GRIK1: variants seen among roughly 807,000 people sequenced by gnomAD.
GRIK1 encodes glutamate ionotropic receptor kainate type subunit 1.
A neutral mutation model predicts 105.7 loss-of-function variants in GRIK1; 69 were observed. The observed-to-expected ratio is 0.65, with a 90% CI of 0.54 to 0.80. GRIK1 has a LOEUF of 0.80. GRIK1 is among the 30% of genes least tolerant of loss of function. GRIK1 has a pLI of 0.00. For synonymous variants in GRIK1, 438 were observed against 431.3 expected (o/e 1.02, Z -0.19); for missense variants, 1,109 against 1,167.3 (o/e 0.95, Z 0.73).
chr21:29,868,437 A>G (rs1233402823), intron 1 of GRIK1, among the ~76,000 whole-genome samples: 2 of 152,176 alleles, frequency 1.3e-5, no homozygotes, highest in African/African-American at 2.4e-5. Flanking sequence ...GCCTGTTACA[A>G]AGCGGTATAA....
chr21:29,773,896 C>A (rs764296851), intron 1 of GRIK1, among the ~76,000 whole-genome samples: 10 of 152,174 alleles, frequency 6.6e-5, no homozygotes, highest in African/African-American at 2.2e-4. Context: ...AAACAACACA[C>A]CTTCTCAAGT....
chr21:29,892,742 A>G (rs2146226257), intron 1 of GRIK1, among the ~76,000 whole-genome samples: 1 of 152,344 alleles, frequency 6.6e-6, no homozygotes, highest in Admixed American at 6.5e-5. Flanking sequence ...TTACGTGATG[A>G]CAGAAGCTCT....
At chr21:29,558,376 T>TCACACACACA (rs35594883) in intron 15 of GRIK1, among the ~76,000 whole-genome samples, 110 of 147,018 alleles carry the variant, frequency 7.5e-4, no homozygotes, top group African/African-American at 2.5e-3. Context: ...TATATATATT[T>TCACACACACA]CACACACACA....
chr21:29,542,650 G>A (rs1225284707), intron 16 of GRIK1, among the ~76,000 whole-genome samples: 3 of 152,220 alleles, frequency 2.0e-5, no homozygotes, highest in African/African-American at 7.2e-5. Context: ...ATGTCAGATT[G>A]ATTTCTCATT....
chr21:29,906,356 T>C (rs2070640286), intron 1 of GRIK1, among the ~76,000 whole-genome samples: 1 of 152,194 alleles, frequency 6.6e-6, no homozygotes, highest in African/African-American at 2.4e-5. Context: ...AACCTCTTTA[T>C]GAATTATTTT....
At chr21:29,785,561 C>CAAAAAAA (rs950219193) in intron 1 of GRIK1, among the ~76,000 whole-genome samples, 1 of 58,014 alleles carries the variant, frequency 1.7e-5, no homozygotes, top group African/African-American at 6.6e-5. Flanking sequence ...GAGACTGTCT[C>CAAAAAAA]AAAAAAAAAA....
chr21:29,663,012 C>T (rs750726833), intron 4 of GRIK1, among the ~76,000 whole-genome samples: 25 of 152,138 alleles, frequency 1.6e-4, no homozygotes, highest in Non-Finnish European at 2.9e-4. Flanking sequence ...ATATTCACAG[C>T]GACTGCTTGC....
At chr21:29,746,677 G>T (rs2065057082) in intron 1 of GRIK1, among the ~76,000 whole-genome samples, 1 of 152,240 alleles carries the variant, frequency 6.6e-6, no homozygotes, top group African/African-American at 2.4e-5. Context: ...CTGATCTGAA[G>T]TAGGGTGTTA....
Position 29,681,165 on chromosome 21 carries a change from T to C in GRIK1, c.545-8001A>G, listed in dbSNP as rs542877932. Among the ~76,000 whole-genome samples the C allele has an allele frequency of 3.3e-5, 5 of 152,222 alleles. No individual in the cohort carries two copies. The East Asian group carries it at 9.7e-4, about 29-fold the overall frequency. Reference sequence around the variant, plus strand: ...AAGTAAAAGAAAAAAGTAAACATAGTACATATAGGGTTCAGTACTATCCGT... The same window carrying C: ...AAGTAAAAGAAAAAAGTAAACATAGCACATATAGGGTTCAGTACTATCCGT... On this transcript the variant is annotated intron_variant, in intron 3 of 17. Transcript: ENST00000327783.
intron 1 of GRIK1, among the ~76,000 whole-genome samples, chr21:29,878,402 T>C (rs2069271879): frequency 6.6e-6 from 1 of 152,072 alleles, no homozygotes. Context: ...GGTGCTATGA[T>C]GGAAGTAAGC....
In GRIK1 at chr21:29,537,849, C is replaced by T. The variant is rs2089905889; in HGVS notation, c.2643G>A (p.Arg881=). The T allele has an allele frequency of 6.6e-7, 1 of 1,509,910 alleles. No individual in the cohort carries two copies. The highest frequency in any genetic ancestry group is 9.2e-7 in the Non-Finnish European group (1 of 1,089,656). The allele number at this position is 1,509,910 out of a possible 1,614,324, so 93.5% of individuals were successfully genotyped here. The change falls in exon 17 of 18, where the codon AGG becomes AGA. Residue 881 remains arginine (R), a synonymous_variant. Coordinates refer to ENST00000327783, the MANE Select transcript of GRIK1 (RefSeq NM_001330994.2). ...GKSSRIRFYF[R]NKVRFHGRKK... ...TTCTCCCATGAAACCTTACTTTGTT[C>T]CTAAAATAAAATCTAATTCTTGATG...
intron 14 of GRIK1, among the ~76,000 whole-genome samples, chr21:29,576,501 A>T (rs1001700030): frequency 6.6e-6 from 1 of 152,076 alleles, no homozygotes; most frequent in Admixed American, 6.5e-5. Context: ...CAATATCAAC[A>T]CGTTTTCTTG....
At chr21:29,755,680 G>A (rs1247611346) in intron 1 of GRIK1, among the ~76,000 whole-genome samples, 1 of 152,148 alleles carries the variant, frequency 6.6e-6, no homozygotes, top group East Asian at 1.9e-4. Context: ...ATCCACAGGA[G>A]CCCTCTGATA....
chr21:29,698,696 T>C (rs756116746), intron 1 of GRIK1, among the ~76,000 whole-genome samples: 1 of 152,208 alleles, frequency 6.6e-6, no homozygotes, highest in Non-Finnish European at 1.5e-5. Flanking sequence ...AGTAATCCTT[T>C]GTCTGATCAT....
chr21:29,698,602 A>ATT (rs140120609), intron 1 of GRIK1, among the ~76,000 whole-genome samples: 1 of 152,148 alleles, frequency 6.6e-6, no homozygotes, highest in African/African-American at 2.4e-5. Context: ...TTGTTAAACT[A>ATT]TTTTTTTATC....
rs142101544 is a variant in GRIK1, at chr21:29,650,577, G to A, written c.954+541C>T. Among the ~76,000 whole-genome samples the A allele has an allele frequency of 3.5e-4, 54 of 152,320 alleles. 2 individuals carry two copies. The highest frequency in any genetic ancestry group is 1.3e-3 in the African/African-American group (53 of 41,562). Reference sequence around the variant, plus strand: ...AGTATCTCTGACTTGTCAGGAGGCAGGTCTGGCATCTGCTTCAAGAGCGAC... The same window carrying A: ...AGTATCTCTGACTTGTCAGGAGGCAAGTCTGGCATCTGCTTCAAGAGCGAC... On this transcript the variant is annotated intron_variant, in intron 6 of 17. Coordinates refer to ENST00000327783, the MANE Select transcript of GRIK1 (RefSeq NM_001330994.2).
In GRIK1 at chr21:29,658,303, C is replaced by A. The variant is rs138917555; in HGVS notation, c.727-3440G>T. ...TTTTGAAAGAGTCTCATTCTGTCGC[C>A]CCAGGCTATAGCGCACTGGTACAAT... On this transcript the variant is annotated intron_variant, in intron 4 of 17. Transcript: ENST00000327783. 4.3e-3 allele frequency among the ~76,000 whole-genome samples: 661 copies of A among 152,112 alleles called. 4 individuals carry two copies. Among genetic ancestry groups the A allele is most frequent in the Non-Finnish European group, 6.6e-3 (448 of 68,008 alleles).
chr21:29,819,191 A>T (rs925325227), intron 1 of GRIK1, among the ~76,000 whole-genome samples: 1 of 152,150 alleles, frequency 6.6e-6, no homozygotes, highest in African/African-American at 2.4e-5. Context: ...CCAAGTAGGC[A>T]TGGATGATGA....
chr21:29,545,454 AT>A (rs1160991729), intron 16 of GRIK1, among the ~76,000 whole-genome samples: 1 of 152,140 alleles, frequency 6.6e-6, no homozygotes, highest in Non-Finnish European at 1.5e-5. Flanking sequence ...CCCTCACCTC[AT>A]GGAAAACGCT....
Sources: gnomAD v4.1 joint callset for allele counts (sites outside exome capture counted in the v4.1 genomes callset) on GRCh38, gnomAD v4.1.1 for gene constraint, MANE v1.5 for transcripts, NCBI Gene and HGNC (gene_info 2026-07-23, HGNC 2026-07-21) for gene names.